The following CDA variants were observed in gnomAD, a reference collection of about 807,000 sequenced individuals.
CDA encodes the protein cytidine deaminase.
In CDA, 7 loss-of-function variants were observed where a neutral mutation model predicts 15.0. The ratio of observed to expected loss-of-function variants is 0.47; its 90% CI spans 0.26 to 0.87. The LOEUF is 0.87. CDA is among the 40% of genes least tolerant of loss of function. The pLI is 0.15. For synonymous variants in CDA, 58 were observed against 73.0 expected, an observed-to-expected ratio of 0.79 and a Z score of 1.05; for missense variants, 159 against 182.7, an observed-to-expected ratio of 0.87 and a Z score of 0.75.
At chr1:20,616,518 C>A (rs944807736) in intron 3 of CDA, among the ~76,000 whole-genome samples, 5 of 151,900 alleles carry the variant, frequency 3.3e-5, no homozygotes, top group Non-Finnish European at 5.9e-5. Context: ...TTGAGAGGGG[C>A]AGAAATAGCT....
intron 1 of CDA, among the ~76,000 whole-genome samples, chr1:20,601,543 C>T (rs1211170381): frequency 6.6e-6 from 1 of 152,200 alleles, no homozygotes; most frequent in Non-Finnish European, 1.5e-5. Context: ...CATCTAACAC[C>T]ATACAGCCAT....
intron 3 of CDA, among the ~76,000 whole-genome samples, chr1:20,616,337 G>C (rs148860837): frequency 2.3e-3 from 351 of 152,286 alleles, no homozygotes; most frequent in African/African-American, 7.9e-3. Context: ...TTGGGAGAAA[G>C]GGGGTTGTTT....
rs1356494485 is a variant in CDA at position 20,611,473 on chromosome 1, C to T, written c.267-2369C>T. On this transcript the variant is annotated intron_variant, in intron 2 of 3. Coordinates refer to ENST00000375071, the MANE Select transcript of CDA (RefSeq NM_001785.3). Reference sequence around the variant, plus strand: ...TCGGCTTACTGCAACCCCCGCCTCCCGGGTTCAAGTGATTCTCCTGCCTCA... The same window carrying T: ...TCGGCTTACTGCAACCCCCGCCTCCTGGGTTCAAGTGATTCTCCTGCCTCA... 9.2e-5 allele frequency among the ~76,000 whole-genome samples: 14 copies of T among 152,258 alleles called. 1 individual carries two copies. The highest frequency in any genetic ancestry group is 2.6e-4 in the Admixed American group (4 of 15,300).
intron 2 of CDA, among the ~76,000 whole-genome samples, chr1:20,610,819 C>T (rs1156501098): frequency 6.6e-6 from 1 of 152,164 alleles, no homozygotes; most frequent in Admixed American, 6.6e-5. Flanking sequence ...TATCTTCTAG[C>T]ATTCTTACAA....
chr1:20,612,394 C>G (rs2052759680), intron 2 of CDA, among the ~76,000 whole-genome samples: 1 of 151,022 alleles, frequency 6.6e-6, no homozygotes, highest in South Asian at 2.1e-4. Context: ...TGACATTCCA[C>G]CATTGTGATT....
At chr1:20,590,912 T>TGGCTGCCTTCCATCCATGCTTTCCAGCAC (rs1226131587) in intron 1 of CDA, among the ~76,000 whole-genome samples, 11 of 152,210 alleles carry the variant, frequency 7.2e-5, no homozygotes, top group African/African-American at 2.7e-4. Flanking sequence ...GGGGCCAGCA[T>TGGCTGCCTTCCATCCATGCTTTCCAGCAC]GGCTGCCTTC....
intron 1 of CDA, among the ~76,000 whole-genome samples, chr1:20,599,494 G>A (rs1423511635): frequency 2.0e-5 from 3 of 151,930 alleles, no homozygotes; most frequent in East Asian, 1.9e-4. Flanking sequence ...GCACGCACCT[G>A]TAGTCCTACC....
intron 2 of CDA, 93 bp downstream of exon 2, chr1:20,605,132 A>G (rs1217081656): frequency 7.3e-6 from 6 of 826,562 alleles, no homozygotes; most frequent in African/African-American, 1.7e-5. Flanking sequence ...TTCATCTGAC[A>G]TATGTTTATT....
chr1:20,616,442 C>A (rs1419822717), intron 3 of CDA, among the ~76,000 whole-genome samples: 1 of 152,112 alleles, frequency 6.6e-6, no homozygotes, highest in African/African-American at 2.4e-5. Context: ...AAATCAGACA[C>A]ATTTCCCAAA....
chr1:20,590,829 A>G (rs999892983), intron 1 of CDA, among the ~76,000 whole-genome samples: 1 of 152,204 alleles, frequency 6.6e-6, no homozygotes, highest in Admixed American at 6.5e-5. Flanking sequence ...GAGAAGCAGA[A>G]GGAAGAGGGA....
chr1:20,604,830 G>A (rs568054769), intron 1 of CDA, 98 bp from the exon 2 acceptor site: 1 of 816,118 alleles, frequency 1.2e-6, no homozygotes, highest in Non-Finnish European at 2.1e-6. Context: ...GGAGTAACCA[G>A]TTCCTTCCTG....
intron 1 of CDA, among the ~76,000 whole-genome samples, chr1:20,595,862 A>T (rs1220608450): frequency 1.3e-5 from 2 of 150,468 alleles, no homozygotes; most frequent in Admixed American, 1.3e-4. Context: ...AAAAAAAAAA[A>T]GGCCAGGCAC....
chr1:20,609,719 G>A (rs2052729482), intron 2 of CDA, among the ~76,000 whole-genome samples: 1 of 152,170 alleles, frequency 6.6e-6, no homozygotes, highest in Non-Finnish European at 1.5e-5. Context: ...CTGACATAGA[G>A]AAGGATTTTG....
At chr1:20,592,805 A>T (rs908280184) in intron 1 of CDA, among the ~76,000 whole-genome samples, 7 of 152,226 alleles carry the variant, frequency 4.6e-5, no homozygotes. Flanking sequence ...CAGTGTTACA[A>T]ATAAAGGCTG....
chr1:20,596,946 G>A (rs1468493036), intron 1 of CDA, among the ~76,000 whole-genome samples: 1 of 151,854 alleles, frequency 6.6e-6, no homozygotes, highest in Non-Finnish European at 1.5e-5. Context: ...ATTTTTTGTA[G>A]AGACTGGGTT....
chr1:20,616,557 A>G (rs1369198237), intron 3 of CDA, among the ~76,000 whole-genome samples: 3 of 152,162 alleles, frequency 2.0e-5, no homozygotes, highest in Non-Finnish European at 4.4e-5. Flanking sequence ...GTCGAAGGTC[A>G]TATAAGGAAG....
chr1:20,596,848 C>A (rs900289838), intron 1 of CDA, among the ~76,000 whole-genome samples: 1 of 149,656 alleles, frequency 6.7e-6, no homozygotes, highest in Non-Finnish European at 1.5e-5. Flanking sequence ...GCAGCCTCGA[C>A]CTTCCTGGCT....
intron 1 of CDA, among the ~76,000 whole-genome samples, chr1:20,596,535 T>C (rs1441933868): frequency 1.3e-5 from 2 of 152,140 alleles, no homozygotes; most frequent in South Asian, 2.1e-4. Flanking sequence ...GGGCAACTAA[T>C]AACAAGACCC....
chr1:20,602,708 C>T (rs774490347), intron 1 of CDA, among the ~76,000 whole-genome samples: 10 of 152,218 alleles, frequency 6.6e-5, no homozygotes, highest in Non-Finnish European at 1.5e-4. Flanking sequence ...GCTTGAGCCA[C>T]CATGCCCAGC....
Sources: gnomAD v4.1 joint callset for allele counts (sites outside exome capture counted in the v4.1 genomes callset) on GRCh38, gnomAD v4.1.1 for gene constraint, MANE v1.5 for transcripts, NCBI Gene and HGNC (gene_info 2026-07-23, HGNC 2026-07-21) for gene names.